The following PCDH15 variants were observed in gnomAD, a reference collection of about 807,000 sequenced individuals.
PCDH15 encodes protocadherin-15.
In PCDH15, 129 loss-of-function variants were observed where a neutral mutation model predicts 178.5. The observed-to-expected ratio is 0.72, with a 90% confidence interval of 0.63 to 0.84. The LOEUF is 0.84. Among genes scored for constraint, PCDH15 ranks in the 40% least tolerant of loss-of-function variants. The probability of loss-of-function intolerance (pLI) is 0.00; values close to 1 mark genes in which losing one functional copy is unlikely to be tolerated. For missense variants in PCDH15, 2,230 were observed against 2,099.9 expected, an observed-to-expected ratio of 1.06 and a Z score of -1.21; for synonymous variants, 800 against 732.0, an observed-to-expected ratio of 1.09 and a Z score of -1.50.
chr10:55,106,971 G>T (rs1237700004), intron 2 of PCDH15, among the ~76,000 whole-genome samples: 1 of 152,188 alleles, frequency 6.6e-6, no homozygotes, highest in African/African-American at 2.4e-5. Context: ...AAAGCAAATG[G>T]AGTAATCTTT....
intron 1 of PCDH15, among the ~76,000 whole-genome samples, chr10:55,241,147 C>A (rs576301450): frequency 6.6e-6 from 1 of 152,048 alleles, no homozygotes; most frequent in Admixed American, 6.6e-5. Context: ...ACCCGGGAGG[C>A]GGAGGTTGCA....
intron 3 of PCDH15, among the ~76,000 whole-genome samples, chr10:54,821,877 A>C (rs543137283): frequency 6.6e-6 from 1 of 152,104 alleles, no homozygotes; most frequent in African/African-American, 2.4e-5. Flanking sequence ...TGGTATGGTG[A>C]TTAATCTTAA....
chr10:55,295,727 T>C (rs1053728131), intron 1 of PCDH15, among the ~76,000 whole-genome samples: 1 of 152,172 alleles, frequency 6.6e-6, no homozygotes, highest in African/African-American at 2.4e-5. Flanking sequence ...CACACAACAC[T>C]TCTGACACCA....
At chr10:53,849,639 C>A (rs1482584014) in intron 28 of PCDH15, among the ~76,000 whole-genome samples, 1 of 151,690 alleles carries the variant, frequency 6.6e-6, no homozygotes, top group Non-Finnish European at 1.5e-5. Flanking sequence ...CTGAGGCAGG[C>A]GGATCACAAG....
rs866798028 is a variant in PCDH15, at chr10:53,805,428, T to A, written c.*1151A>T. ...TTCATTTCTACTTATGATGAAACAC[T>A]GTGCTTTGTTCAATGGTAAAAAATC... is the stretch of plus-strand genomic sequence containing the variant. On this transcript the variant is annotated 3_prime_UTR_variant, in exon 38 of 38. Coordinates refer to ENST00000644397, the MANE Select transcript of PCDH15 (RefSeq NM_001384140.1). 2.2e-4 allele frequency: 34 copies of A among 152,116 alleles called. No individual in the cohort carries two copies. Among genetic ancestry groups the A allele is most frequent in the Admixed American group, 1.1e-3 (16 of 15,238 alleles). 9.4% of individuals were successfully genotyped at this position (152,116 alleles called of 1,614,324 possible). A position where few individuals can be genotyped will look rare whatever the true frequency, so the allele number is the denominator to read the frequency against.
At chr10:54,482,095 T>C (rs1589639647) in intron 3 of PCDH15, among the ~76,000 whole-genome samples, 1 of 151,906 alleles carries the variant, frequency 6.6e-6, no homozygotes, top group South Asian at 2.1e-4. Flanking sequence ...CGCTGAGAAC[T>C]AACTGATTTT....
At chr10:53,954,841 C>T (rs774966907) in intron 23 of PCDH15, among the ~76,000 whole-genome samples, 14 of 152,308 alleles carry the variant, frequency 9.2e-5, no homozygotes, top group Middle Eastern at 3.4e-3. Flanking sequence ...ACTTCACTAA[C>T]GCATATTTAA....
chr10:54,332,376 A>AATAT (rs200231042), intron 6 of PCDH15, among the ~76,000 whole-genome samples: 4 of 27,798 alleles, frequency 1.4e-4, no homozygotes, highest in Non-Finnish European at 3.5e-4. Context: ...TTATATATAT[A>AATAT]ATATATATAT....
intron 3 of PCDH15, among the ~76,000 whole-genome samples, chr10:54,471,842 G>A (rs1468872863): frequency 6.6e-6 from 1 of 151,852 alleles, no homozygotes; most frequent in South Asian, 2.1e-4. Context: ...GGTAAATACT[G>A]CAAAATACTT....
intron 17 of PCDH15, among the ~76,000 whole-genome samples, chr10:54,079,028 T>A (rs2135944212): frequency 6.6e-6 from 1 of 152,296 alleles, no homozygotes; most frequent in Non-Finnish European, 1.5e-5. Flanking sequence ...CATGGTGCAG[T>A]GCAAATGACA....
At chr10:53,858,921 T>C (rs2078929134) in intron 27 of PCDH15, among the ~76,000 whole-genome samples, 1 of 152,122 alleles carries the variant, frequency 6.6e-6, no homozygotes, top group Admixed American at 6.6e-5. Context: ...TTTTTGAGTT[T>C]TTAGCAGTAA....
At chr10:55,567,126 C>T (rs1842317948) in intron 2 of PCDH15, among the ~76,000 whole-genome samples, 1 of 151,868 alleles carries the variant, frequency 6.6e-6, no homozygotes, top group South Asian at 2.1e-4. Flanking sequence ...AGTAAAGTCT[C>T]ACATGTATGG....
chr10:53,967,483 G>A (rs2089165407), intron 21 of PCDH15, among the ~76,000 whole-genome samples: 1 of 152,118 alleles, frequency 6.6e-6, no homozygotes, highest in African/African-American at 2.4e-5. Context: ...TGTTGCCCAG[G>A]TTGGTCCAGA....
chr10:55,227,494 C>T (rs1592003872), intron 1 of PCDH15, among the ~76,000 whole-genome samples: 1 of 146,918 alleles, frequency 6.8e-6, no homozygotes, highest in East Asian at 2.0e-4. Flanking sequence ...AACTGCTGGG[C>T]AGCAGGCTTA....
At chr10:54,535,702 T>C (rs1181324639) in intron 2 of PCDH15, among the ~76,000 whole-genome samples, 9 of 82,070 alleles carry the variant, frequency 1.1e-4, no homozygotes, top group African/African-American at 3.9e-4. Context: ...AGAGCGAGAC[T>C]CCACCTCAAA....
At chr10:53,903,933 T>C (rs1163026416) in intron 25 of PCDH15, among the ~76,000 whole-genome samples, 1 of 152,168 alleles carries the variant, frequency 6.6e-6, no homozygotes, top group African/African-American at 2.4e-5. Context: ...AAACTGTCAA[T>C]GTTAGAGGCT....
At chr10:54,805,905 G>T (rs1952770227), upstream of PCDH15, among the ~76,000 whole-genome samples, 2 of 152,026 alleles carry the variant, frequency 1.3e-5, no homozygotes, top group South Asian at 4.1e-4. Flanking sequence ...TAAATTTAGA[G>T]CAAGAAACTT....
chr10:54,775,648 A>C (rs1949607758), intron 1 of PCDH15, among the ~76,000 whole-genome samples: 1 of 152,174 alleles, frequency 6.6e-6, no homozygotes, highest in Non-Finnish European at 1.5e-5. Flanking sequence ...TTGTAATCCC[A>C]GTACTCTGGG....
chr10:54,338,471 T>C (rs535867143), intron 6 of PCDH15, among the ~76,000 whole-genome samples: 2 of 152,300 alleles, frequency 1.3e-5, no homozygotes, highest in East Asian at 3.9e-4. Flanking sequence ...AAAAATCGTT[T>C]GTCCTTAAAA....
Sources: gnomAD v4.1 joint callset for allele counts (sites outside exome capture counted in the v4.1 genomes callset) on GRCh38, gnomAD v4.1.1 for gene constraint, MANE v1.5 for transcripts, NCBI Gene and HGNC (gene_info 2026-07-23, HGNC 2026-07-21) for gene names.